The following HYDIN variants were observed in gnomAD, a reference collection of about 807,000 sequenced individuals.
HYDIN encodes axonemal central pair apparatus protein HYDIN.
Under a neutral mutation model 403.9 loss-of-function variants are expected in HYDIN, and 132 were observed. That is an observed-to-expected ratio of 0.33 (90% CI 0.28 to 0.38). HYDIN has a LOEUF of 0.38. Among genes scored for constraint, HYDIN ranks in the 10% least tolerant of loss-of-function variants. The probability of loss-of-function intolerance (pLI) is 1.00; values close to 1 mark genes in which losing one functional copy is unlikely to be tolerated. For synonymous variants in HYDIN, 1,202 were observed against 1,891.7 expected (o/e 0.64, Z 9.46); for missense variants, 2,827 against 5,009.5 (o/e 0.56, Z 13.15).
At chr16:71,068,869 A>G (rs535167514) in intron 14 of HYDIN, among the ~76,000 whole-genome samples, 1 of 152,216 alleles carries the variant, frequency 6.6e-6, no homozygotes, top group Non-Finnish European at 1.5e-5. Flanking sequence ...ACCAGATATC[A>G]TCTTTGGCAT....
chr16:71,135,425 C>G (rs2084879523), intron 8 of HYDIN, among the ~76,000 whole-genome samples: 1 of 146,560 alleles, frequency 6.8e-6, no homozygotes, highest in Non-Finnish European at 1.5e-5. Context: ...AAATTAACGT[C>G]CTTACATAGT....
intron 25 of HYDIN, among the ~76,000 whole-genome samples, chr16:70,990,394 CAAAAAAAAAAAAAAAAAAAA>C (rs72381537): frequency 2.3e-4 from 2 of 8,688 alleles, no homozygotes; most frequent in Non-Finnish European, 5.8e-4. Flanking sequence ...GACTCTGCCT[CAAAAAAAAAAAAAAAAAAAA>C]AAAAAAAAAA....
chr16:71,199,702 A>G (rs974144386), intron 1 of HYDIN, among the ~76,000 whole-genome samples: 1 of 152,136 alleles, frequency 6.6e-6, no homozygotes, highest in African/African-American at 2.4e-5. Flanking sequence ...AGAAGCAGAA[A>G]TCTCTCATTC....
intron 18 of HYDIN, among the ~76,000 whole-genome samples, chr16:71,037,945 T>C (rs1396026298): frequency 6.6e-6 from 1 of 152,204 alleles, no homozygotes; most frequent in African/African-American, 2.4e-5. Context: ...TGATAATTTG[T>C]TACCCAGCAA....
chr16:71,022,037 A>G (rs891988902), intron 21 of HYDIN, among the ~76,000 whole-genome samples: 17 of 151,646 alleles, frequency 1.1e-4, no homozygotes, highest in African/African-American at 3.9e-4. Flanking sequence ...AATATGGGGT[A>G]GCATGGAAGC....
Position 70,884,088 on chromosome 16 carries a change from C to T in HYDIN, c.9811G>A (p.Gly3271Arg). ...CCTCCGGAAGGAATGGAGCCAAACC[C>T]AGGGTACACGGTGAACATGCCATGG... is the stretch of plus-strand genomic sequence containing the variant. Reference protein sequence around the residue: ...FAHGMFTVYPGFGSIPSGGQQ... With the variant: ...FAHGMFTVYPRFGSIPSGGQQ... Residue 3271 changes from glycine (G) to arginine (R), a missense_variant, in exon 59 of 86, where the codon GGG (glycine) becomes AGG (arginine). By Grantham distance (125) the Gly-to-Arg change is moderately radical (BLOSUM62 -2). Coordinates refer to ENST00000393567, the MANE Select transcript of HYDIN (RefSeq NM_001270974.2). 6.2e-7 allele frequency: 1 copy of T among 1,608,468 alleles called. No individual in the cohort carries two copies. Among genetic ancestry groups the T allele is most frequent in the Non-Finnish European group, 8.5e-7 (1 of 1,177,586 alleles).
chr16:71,039,481 A>G (rs1035332128), intron 18 of HYDIN, among the ~76,000 whole-genome samples: 1 of 152,132 alleles, frequency 6.6e-6, no homozygotes, highest in African/African-American at 2.4e-5. Flanking sequence ...GTGAGAACTT[A>G]TATCTCTGTT....
chr16:70,906,941 G>A (rs934772387), intron 50 of HYDIN, among the ~76,000 whole-genome samples: 1 of 152,052 alleles, frequency 6.6e-6, no homozygotes, highest in South Asian at 2.1e-4. Context: ...AGTTATTCAG[G>A]GCTTCTTTTC....
intron 84 of HYDIN, among the ~76,000 whole-genome samples, chr16:70,816,185 C>A (rs1017499249): frequency 1.3e-5 from 2 of 152,148 alleles, no homozygotes; most frequent in Non-Finnish European, 2.9e-5. Flanking sequence ...CAAAAAACCA[C>A]CCCACAAAAC....
chr16:70,950,913 G>A (rs1259110143), intron 41 of HYDIN, among the ~76,000 whole-genome samples: 2 of 152,116 alleles, frequency 1.3e-5, no homozygotes, highest in Non-Finnish European at 2.9e-5. Context: ...CTCCACTCCT[G>A]AATGGGAGCC....
At chr16:71,198,802 T>C (rs147933794) in intron 1 of HYDIN, among the ~76,000 whole-genome samples, 4 of 152,310 alleles carry the variant, frequency 2.6e-5, no homozygotes, top group Admixed American at 1.3e-4. Context: ...ATGTGATCTG[T>C]TGTATGTGAG....
chr16:70,836,348 G>A (rs1377151279), intron 77 of HYDIN, among the ~76,000 whole-genome samples: 1 of 152,192 alleles, frequency 6.6e-6, no homozygotes, highest in East Asian at 1.9e-4. Flanking sequence ...AGGCCTTTTA[G>A]GCCATTGCTG....
chr16:71,054,475 T>A (rs1417070807), intron 18 of HYDIN, among the ~76,000 whole-genome samples: 3 of 152,082 alleles, frequency 2.0e-5, no homozygotes, highest in Non-Finnish European at 4.4e-5. Flanking sequence ...ATTAGAAATG[T>A]CTGTAGCATG....
chr16:70,931,751 A>G (rs1165884655), intron 45 of HYDIN, among the ~76,000 whole-genome samples: 2 of 152,210 alleles, frequency 1.3e-5, no homozygotes, highest in Non-Finnish European at 2.9e-5. Context: ...GTGGTGGCTC[A>G]TGCCTGTAAT....
chr16:70,860,309 A>G, intron 70 of HYDIN, 103 bp from the exon 71 acceptor site: 1 of 1,285,024 alleles, frequency 7.8e-7, no homozygotes, highest in African/African-American at 1.5e-5. Flanking sequence ...CCATCTGGGA[A>G]GCAGAACTGT....
chr16:71,028,206 T>G (rs1397083854), intron 19 of HYDIN, among the ~76,000 whole-genome samples: 1 of 151,868 alleles, frequency 6.6e-6, no homozygotes, highest in Non-Finnish European at 1.5e-5. Context: ...GCAAAATACC[T>G]ACTGAAGGAG....
chr16:70,922,594 A>G (rs932409863), intron 45 of HYDIN, among the ~76,000 whole-genome samples: 5 of 152,070 alleles, frequency 3.3e-5, no homozygotes, highest in African/African-American at 9.7e-5. Context: ...GACTAAAAAG[A>G]GAAGGCAAAA....
intron 3 of HYDIN, among the ~76,000 whole-genome samples, chr16:71,181,364 T>C (rs2086897495): frequency 6.6e-6 from 1 of 152,032 alleles, no homozygotes; most frequent in South Asian, 2.1e-4. Flanking sequence ...TATCATATAC[T>C]GTTACTTACC....
In HYDIN at chr16:70,838,317, A is replaced by C. The variant is rs1350446273; in HGVS notation, c.13044-429T>G. Among the ~76,000 whole-genome samples, 6 of 151,724 alleles carry C rather than the reference A, an allele frequency of 4.0e-5. No individual in the cohort carries two copies. In the East Asian group the frequency reaches 1.2e-3, roughly 29 times the overall value. On this transcript the variant is annotated intron_variant, in intron 76 of 85. Coordinates refer to ENST00000393567, the MANE Select transcript of HYDIN (RefSeq NM_001270974.2). ...GCGATTCTCTTGCCTCAGCCTCCTG[A>C]GTAGCTGGGATTATAGGTGCATACC... is the stretch of plus-strand genomic sequence containing the variant.
Sources: allele counts gnomAD v4.1 joint callset (sites outside exome capture counted in the v4.1 genomes callset), GRCh38; gene constraint gnomAD v4.1.1; transcripts MANE v1.5; gene names NCBI Gene and HGNC (gene_info 2026-07-23, HGNC 2026-07-21).